NUDT14: variants seen among roughly 807,000 people sequenced by gnomAD.
NUDT14 encodes uridine diphosphate glucose pyrophosphatase NUDT14.
Under a neutral mutation model 17.5 loss-of-function variants are expected in NUDT14, and 22 were observed. The observed-to-expected ratio is 1.26, with a 90% CI of 0.90 to 1.80. The LOEUF is 1.80. NUDT14 is among the 40% of genes most tolerant of loss of function. NUDT14 has a pLI of 0.00. For synonymous variants in NUDT14, 129 were observed against 125.8 expected, an observed-to-expected ratio of 1.03 and a Z score of -0.17; for missense variants, 296 against 295.6, an observed-to-expected ratio of 1.00 and a Z score of -0.01.
rs587596870 is a variant in NUDT14, at chr14:105,173,154, A to G, written c.536T>C (p.Ile179Thr). Reference sequence around the variant, plus strand: ...TTCCAGGGGCAGGTGCACCACCTCAATGAGCTCACCCTCCTCCACCAGGCC... The same window carrying G: ...TTCCAGGGGCAGGTGCACCACCTCAGTGAGCTCACCCTCCTCCACCAGGCC... Reference protein sequence around the residue: ...GGGLVEEGELIEVVHLPLEGA... With the variant: ...GGGLVEEGELTEVVHLPLEGA... Residue 179 changes from isoleucine to threonine, a missense_variant, in exon 5 of 5, where the codon ATT becomes ACT. Coordinates refer to ENST00000392568, the MANE Select transcript of NUDT14 (RefSeq NM_177533.5). The surrounding 1 kb of genome is among the most constrained non-coding windows in gnomAD (Gnocchi z 4.7). 32 of 1,610,612 alleles carry G rather than the reference A, an allele frequency of 2.0e-5. No individual in the cohort carries two copies. The East Asian group carries it at 5.1e-4, about 26-fold the overall frequency.
Position 105,181,205 on chromosome 14 carries a change from T to A in NUDT14, c.5A>T (p.Glu2Val). M[E>V]RIEGASVGRC... is the part of the protein sequence containing the mutation. ...GCCCACGGACGCCCCCTCGATGCGC[T>A]CCATGGCGGCGCCCGGACAGGCGGG... The change falls in exon 1 of 5, where the codon GAG (glutamate) becomes GTG (valine). Residue 2 changes from glutamate (E) to valine (V), a missense_variant. Transcript: ENST00000392568. This position sits in a 1 kb window ranked among gnomAD's most constrained non-coding sequence, Gnocchi z 5.0. 8.7e-7 allele frequency: 1 copy of A among 1,153,600 alleles called. No homozygotes were observed. The highest frequency in any genetic ancestry group is 1.1e-6 in the Non-Finnish European group (1 of 934,392). 71.5% of individuals were successfully genotyped at this position (1,153,600 alleles called of 1,614,324 possible).
chr14:105,181,121 G>C lies in NUDT14; in HGVS notation c.81+8C>G. The C allele has an allele frequency of 9.6e-7, 1 of 1,040,238 alleles. No individual in the cohort carries two copies. The highest frequency in any genetic ancestry group is 1.2e-6 in the Non-Finnish European group (1 of 857,210). The allele number at this position is 1,040,238 out of a possible 1,614,324, so 64.4% of individuals were successfully genotyped here. A position where few individuals can be genotyped will look rare whatever the true frequency, so the allele number is the denominator to read the frequency against. ...GGGGGCGCGGGGGACGCGGGGGCGC[G>C]GGCTCACCTGGCGGTAATGCAGCGT... is the stretch of plus-strand genomic sequence containing the variant. On this transcript the variant is annotated splice_region_variant and intron_variant, in intron 1 of 4. Transcript: ENST00000392568. The surrounding 1 kb of genome is among the most constrained non-coding windows in gnomAD (Gnocchi z 5.0).
Position 105,173,174 on chromosome 14 carries a change from C to G in NUDT14, c.516G>C (p.Leu172=), listed in dbSNP as rs1226989020. The change falls in exon 5 of 5, where the codon CTG becomes CTC. Residue 172 remains leucine, a synonymous_variant. Transcript: ENST00000392568. This position sits in a 1 kb window ranked among gnomAD's most constrained non-coding sequence, Gnocchi z 4.7. ...CCTCAATGAGCTCACCCTCCTCCAC[C>G]AGGCCCCCACCTGGACCGCTACGCT... is the stretch of plus-strand genomic sequence containing the variant. The part of the protein sequence containing the change: ...DAQRSGPGGG[L]VEEGELIEVV... 3 of 1,611,070 alleles carry G rather than the reference C, an allele frequency of 1.9e-6. No homozygotes were observed. Among genetic ancestry groups the G allele is most frequent in the Admixed American group, 1.7e-5 (1 of 59,728 alleles).
chr14:105,180,991 G>A (rs926980821), intron 1 of NUDT14, 138 bp downstream of exon 1: 2 of 234,466 alleles, frequency 8.5e-6, no homozygotes, highest in East Asian at 1.7e-4. Context: ...GGGCGGACAA[G>A]CGGCCGCCCG....
At chr14:105,174,260 T>C (rs1171278766) in intron 4 of NUDT14, among the ~76,000 whole-genome samples, 3 of 151,240 alleles carry the variant, frequency 2.0e-5, no homozygotes, top group Non-Finnish European at 4.4e-5. Context: ...GACCACGGGC[T>C]AGGAGGACAG....
At chr14:105,177,790 G>A (rs766105505) in intron 1 of NUDT14, 55 bp from the exon 2 acceptor site, 20 of 1,568,968 alleles carry the variant, frequency 1.3e-5, no homozygotes, top group Admixed American at 1.7e-5. Flanking sequence ...AGGTGCTCGG[G>A]GAACCGAGGA....
In NUDT14 at chr14:105,173,560, C is replaced by T. The variant is rs1019498890; in HGVS notation, c.429-299G>A. On this transcript the variant is annotated intron_variant, in intron 4 of 4. Transcript: ENST00000392568. This position sits in a 1 kb window ranked among gnomAD's most constrained non-coding sequence, Gnocchi z 4.7. ...TCATCAGAAGGGAGAGCATCCTAGG[C>T]GGGCATGGCCCGATCACGAAGCCCT... 3.6e-6 allele frequency: 1 copy of T among 281,234 alleles called. No individual in the cohort carries two copies. Among genetic ancestry groups the T allele is most frequent in the Non-Finnish European group, 6.7e-6 (1 of 150,368 alleles). 17.4% of individuals were successfully genotyped at this position (281,234 alleles called of 1,614,324 possible).
chr14:105,178,676 C>A (rs934299413), intron 1 of NUDT14, among the ~76,000 whole-genome samples: 14 of 152,230 alleles, frequency 9.2e-5, no homozygotes, highest in African/African-American at 3.1e-4. Context: ...TCATCCCCCA[C>A]CGGGGGCTCT....
At chr14:105,175,496 G>A (rs1329497325) in intron 4 of NUDT14, 1 of 154,082 alleles carries the variant, frequency 6.5e-6, no homozygotes, top group East Asian at 1.9e-4. Flanking sequence ...CCGCCTCCTG[G>A]GTTCAAGCGA....
chr14:105,177,799 G>A lies in NUDT14; in HGVS notation c.82-64C>T, dbSNP rs144328154. On this transcript the variant is annotated intron_variant, in intron 1 of 4. Transcript: ENST00000392568. ...GGGCGGAGGTGCTCGGGGAACCGAG[G>A]AGGCCACAGACCCATTGCACCCACT... The A allele has an allele frequency of 8.1e-4, 1,241 of 1,528,056 alleles. 14 individuals are homozygous for A. In the African/African-American group the frequency reaches 0.015, roughly 19 times the overall value. 94.7% of individuals were successfully genotyped at this position (1,528,056 alleles called of 1,614,324 possible). A position where few individuals can be genotyped will look rare whatever the true frequency, so the allele number is the denominator to read the frequency against.
At chr14:105,174,294 T>C (rs1451661137) in intron 4 of NUDT14, among the ~76,000 whole-genome samples, 2 of 151,878 alleles carry the variant, frequency 1.3e-5, no homozygotes, top group Non-Finnish European at 2.9e-5. Context: ...CTGGGCTGCA[T>C]TCTGGAACAG....
chr14:105,173,602 C>T lies in NUDT14; in HGVS notation c.429-341G>A, dbSNP rs1026966994. 7 of 204,900 alleles carry T rather than the reference C, an allele frequency of 3.4e-5. No individual in the cohort carries two copies. The highest frequency in any genetic ancestry group is 1.2e-4 in the African/African-American group (5 of 43,422). 12.7% of individuals were successfully genotyped at this position (204,900 alleles called of 1,614,324 possible). A position where few individuals can be genotyped will look rare whatever the true frequency, so the allele number is the denominator to read the frequency against. Reference sequence around the variant, plus strand: ...CGAAGCCCTCCAGAGGGTGTTTCAACGCCAGAAAGGGAGAAATTCAGGCCA... The same window carrying T: ...CGAAGCCCTCCAGAGGGTGTTTCAATGCCAGAAAGGGAGAAATTCAGGCCA... On this transcript the variant is annotated intron_variant, in intron 4 of 4. Transcript: ENST00000392568. The surrounding 1 kb of genome is among the most constrained non-coding windows in gnomAD (Gnocchi z 4.7).
At position 105,173,966 on chromosome 14, in the gene NUDT14, G is replaced by A. The variant is rs1211376441; in HGVS notation, c.429-705C>T. 6.6e-6 allele frequency among the ~76,000 whole-genome samples: 1 copy of A among 152,066 alleles called. No homozygotes were observed. The highest frequency in any genetic ancestry group is 1.5e-5 in the Non-Finnish European group (1 of 68,006). ...GGACACAGGCTGGCTGGGAAGCAGG[G>A]ACAAACCCACCAGGCCTTCCCGCAA... On this transcript the variant is annotated intron_variant, in intron 4 of 4. Coordinates refer to ENST00000392568, the MANE Select transcript of NUDT14 (RefSeq NM_177533.5). The surrounding 1 kb of genome is among the most constrained non-coding windows in gnomAD (Gnocchi z 4.7).
At chr14:105,178,542 G>C (rs1255882625) in intron 1 of NUDT14, among the ~76,000 whole-genome samples, 1 of 152,178 alleles carries the variant, frequency 6.6e-6, no homozygotes, top group Non-Finnish European at 1.5e-5. Context: ...GGGCCTGCTG[G>C]GGGAGGCTGG....
At chr14:105,178,354 A>C (rs949606206) in intron 1 of NUDT14, among the ~76,000 whole-genome samples, 17 of 151,562 alleles carry the variant, frequency 1.1e-4, no homozygotes, top group Admixed American at 2.0e-4. Flanking sequence ...CAGCCCCCCC[A>C]CACACCCCTA....
rs763002979 is a variant in NUDT14, at chr14:105,176,514, G to A, written c.428+20C>T. ...ATCTCCTGAGTCACACCACAGGCCT[G>A]AGGGCCTGGTCCCACTCACCAGTAT... On this transcript the variant is annotated intron_variant, in intron 4 of 4. Coordinates refer to ENST00000392568, the MANE Select transcript of NUDT14 (RefSeq NM_177533.5). 1 of 1,583,238 alleles carries A rather than the reference G, an allele frequency of 6.3e-7. No individual in the cohort carries two copies.
In NUDT14 at chr14:105,174,882, CAG is replaced by C. The variant is rs140731296; in HGVS notation, c.429-1623_429-1622del. On this transcript the variant is annotated intron_variant, in intron 4 of 4. Transcript: ENST00000392568. ...AAGAGGCCTGGCTCACCTCCAGAAT[CAG>C]AGACAGGGAGCCACGGGCCCTGCCA... Among the ~76,000 whole-genome samples the C allele has an allele frequency of 1.0e-3, 159 of 152,308 alleles. No homozygotes were observed. The East Asian group carries it at 0.011, about 11-fold the overall frequency.
chr14:105,176,726 G>C lies in NUDT14; in HGVS notation c.236C>G (p.Ala79Gly), dbSNP rs1211034530. ...CCGAGGCCCGTCCTGGTCTACAGCT[G>C]CTAGGGACCCTGGGAAGCGGCGCTC... ...EVERRFPGSL[A>G]AVDQDGPREL... Residue 79 changes from alanine to glycine, a missense_variant, in exon 4 of 5, where the codon GCA becomes GGA. By Grantham distance (60) the Ala-to-Gly change is moderately conservative. Transcript: ENST00000392568. The C allele has an allele frequency of 5.6e-6, 9 of 1,612,592 alleles. No individual in the cohort carries two copies. The highest frequency in any genetic ancestry group is 7.6e-6 in the Non-Finnish European group (9 of 1,179,974).
intron 1 of NUDT14, among the ~76,000 whole-genome samples, chr14:105,178,771 C>T (rs587769367): frequency 1.3e-5 from 2 of 152,310 alleles, no homozygotes; most frequent in South Asian, 4.1e-4. Flanking sequence ...AAGAAGCCTT[C>T]CTGAGGACTT....
Sources: allele counts gnomAD v4.1 joint callset (sites outside exome capture counted in the v4.1 genomes callset), GRCh38; gene constraint gnomAD v4.1.1; non-coding constraint Gnocchi (gnomAD v3.1); transcripts MANE v1.5; gene names NCBI Gene and HGNC (gene_info 2026-07-23, HGNC 2026-07-21).